The following THSD4 variants were observed in gnomAD, a reference collection of about 807,000 sequenced individuals.
The protein encoded by THSD4 is thrombospondin type-1 domain-containing protein 4.
In THSD4, 69 loss-of-function variants were observed where a neutral mutation model predicts 119.0. The ratio of observed to expected loss-of-function variants is 0.58; its 90% confidence interval spans 0.48 to 0.71. The LOEUF (loss-of-function observed/expected upper bound fraction) is 0.71. Among genes scored for constraint, THSD4 ranks in the 30% least tolerant of loss-of-function variants. The pLI is 0.00. For missense variants in THSD4, 1,393 were observed against 1,391.1 expected, an observed-to-expected ratio of 1.00 and a Z score of -0.02; for synonymous variants, 524 against 540.4, an observed-to-expected ratio of 0.97 and a Z score of 0.42.
chr15:71,751,644 T>C (rs1208039287), intron 14 of THSD4, among the ~76,000 whole-genome samples: 1 of 151,128 alleles, frequency 6.6e-6, no homozygotes. Context: ...TGTTTGGGAT[T>C]TTCTAGTTTT....
At chr15:71,515,611 G>A (rs1056837977) in intron 7 of THSD4, among the ~76,000 whole-genome samples, 1 of 152,170 alleles carries the variant, frequency 6.6e-6, no homozygotes, top group East Asian at 1.9e-4. Context: ...GCTATTTAAA[G>A]CATTCCTTTC....
rs144411560 is a variant in THSD4 at position 71,774,907 on chromosome 15, G to A, written c.2915-2325G>A. On this transcript the variant is annotated intron_variant, in intron 17 of 17. Transcript: ENST00000261862. ...CACACCTGTAATCCCAGCACTTTGG[G>A]AGGCCAAGGCAGGCGGATCATGAGG... is the stretch of plus-strand genomic sequence containing the variant. Among the ~76,000 whole-genome samples the A allele has an allele frequency of 4.9e-4, 74 of 152,294 alleles. No individual in the cohort carries two copies. The East Asian group carries it at 0.011, about 22-fold the overall frequency.
At chr15:71,398,339 C>G (rs2046479190) in intron 6 of THSD4, among the ~76,000 whole-genome samples, 1 of 152,012 alleles carries the variant, frequency 6.6e-6, no homozygotes, top group Admixed American at 6.5e-5. Context: ...TATAAAGCTA[C>G]AACAGGTTCT....
chr15:71,223,235 A>G (rs2043989532), intron 4 of THSD4, among the ~76,000 whole-genome samples: 1 of 152,224 alleles, frequency 6.6e-6, no homozygotes, highest in African/African-American at 2.4e-5. Context: ...GCAGAAGGCA[A>G]GCAAGAGAGC....
At chr15:71,311,550 A>G (rs2045111254) in intron 6 of THSD4, among the ~76,000 whole-genome samples, 4 of 152,160 alleles carry the variant, frequency 2.6e-5, no homozygotes, top group South Asian at 2.1e-4. Flanking sequence ...CCGGGGTTTC[A>G]TGGTGCAGTT....
chr15:71,233,728 A>AG (rs2044079785), intron 4 of THSD4, among the ~76,000 whole-genome samples: 1 of 152,214 alleles, frequency 6.6e-6, no homozygotes, highest in South Asian at 2.1e-4. Context: ...ACCACCACTC[A>AG]GGTATGCAGA....
At chr15:71,421,710 T>C (rs2046810533) in intron 7 of THSD4, among the ~76,000 whole-genome samples, 1 of 152,238 alleles carries the variant, frequency 6.6e-6, no homozygotes, top group African/African-American at 2.4e-5. Flanking sequence ...TTGATATTTT[T>C]CCCAGGTTTG....
chr15:71,644,897 A>T (rs2050936982), intron 7 of THSD4, among the ~76,000 whole-genome samples: 2 of 148,262 alleles, frequency 1.3e-5, no homozygotes, highest in Non-Finnish European at 3.0e-5. Flanking sequence ...AGTTCATGGA[A>T]TCCTTAGGCG....
At chr15:71,745,657 TG>T (rs1031976057) in intron 12 of THSD4, among the ~76,000 whole-genome samples, 5 of 152,178 alleles carry the variant, frequency 3.3e-5, no homozygotes, top group African/African-American at 1.2e-4. Context: ...TTTTTGGTTT[TG>T]TTTTTGTTTT....
chr15:71,380,901 T>C (rs970259443), intron 6 of THSD4, among the ~76,000 whole-genome samples: 14 of 152,094 alleles, frequency 9.2e-5, no homozygotes, highest in African/African-American at 3.1e-4. Flanking sequence ...CTTTCTCTTA[T>C]GGGAAAGGAA....
At position 71,627,041 on chromosome 15, in the gene THSD4, C is replaced by T. The variant is rs531851408; in HGVS notation, c.1153-33489C>T. On this transcript the variant is annotated intron_variant, in intron 7 of 17. Coordinates refer to ENST00000261862, the MANE Select transcript of THSD4 (RefSeq NM_024817.3). The stretch of plus-strand genomic sequence containing the variant: ...ATGAATTTAGTCCATGGAGATTTGT[C>T]TGTATACATTTTCTGTTTCTTTTGT... Among the ~76,000 whole-genome samples the T allele has an allele frequency of 1.9e-4, 29 of 151,818 alleles. No homozygotes were observed. The South Asian group carries it at 6.0e-3, about 32-fold the overall frequency.
intron 7 of THSD4, among the ~76,000 whole-genome samples, chr15:71,566,027 C>T (rs1482678339): frequency 6.6e-6 from 1 of 152,096 alleles, no homozygotes; most frequent in African/African-American, 2.4e-5. Context: ...TCTGGCCCAA[C>T]GCTCCCTGAT....
chr15:71,701,352 G>A (rs1174190466), intron 8 of THSD4, among the ~76,000 whole-genome samples: 1 of 152,170 alleles, frequency 6.6e-6, no homozygotes, highest in South Asian at 2.1e-4. Context: ...AATTTAAAAT[G>A]ATGGTAAAAT....
chr15:71,343,374 A>G (rs2045608021), intron 6 of THSD4, among the ~76,000 whole-genome samples: 1 of 152,244 alleles, frequency 6.6e-6, no homozygotes, highest in Admixed American at 6.5e-5. Flanking sequence ...TTTCCAGGGT[A>G]TGCCATGACA....
chr15:71,243,200 C>G (rs2044170102), intron 5 of THSD4, 104 bp downstream of exon 5: 2 of 1,091,632 alleles, frequency 1.8e-6, no homozygotes, highest in East Asian at 5.0e-5. Flanking sequence ...GTGTCTGGGC[C>G]ATGTTAACAC....
chr15:71,111,993 C>T (rs1342302322), upstream of THSD4: 22 of 977,226 alleles, frequency 2.3e-5, no homozygotes, highest in Non-Finnish European at 3.1e-5. Flanking sequence ...ACTGTGTTCC[C>T]CATAAGTTTC....
intron 3 of THSD4, among the ~76,000 whole-genome samples, chr15:71,195,121 A>G (rs534652462): frequency 7.9e-5 from 12 of 152,340 alleles, no homozygotes; most frequent in African/African-American, 2.9e-4. Flanking sequence ...AGAGGGTAGA[A>G]AAGCAATAAT....
At chr15:71,541,395 G>A (rs2048757780) in intron 7 of THSD4, among the ~76,000 whole-genome samples, 1 of 152,178 alleles carries the variant, frequency 6.6e-6, no homozygotes, top group Non-Finnish European at 1.5e-5. Context: ...AGACAGCACA[G>A]ATGTATAATA....
At chr15:71,206,349 C>T (rs78243134) in intron 3 of THSD4, among the ~76,000 whole-genome samples, 11 of 152,088 alleles carry the variant, frequency 7.2e-5, no homozygotes, top group African/African-American at 2.4e-4. Context: ...CCCACCTCCC[C>T]GAGCTCCTGC....
Sources: gnomAD v4.1 joint callset for allele counts (sites outside exome capture counted in the v4.1 genomes callset) on GRCh38, gnomAD v4.1.1 for gene constraint, MANE v1.5 for transcripts, NCBI Gene and HGNC (gene_info 2026-07-23, HGNC 2026-07-21) for gene names.